Variants in RBM6 observed in about 807,000 individuals in gnomAD.
RBM6 encodes the protein RNA-binding protein 6.
RBM6 carries 23 observed loss-of-function variants against 140.4 expected under a neutral mutation model. The ratio of observed to expected loss-of-function variants is 0.16; its 90% CI spans 0.12 to 0.23. The LOEUF is 0.23. Ranked by LOEUF, RBM6 falls within the 10% of genes least tolerant of loss-of-function variation. RBM6 has a pLI of 1.00. For synonymous variants in RBM6, 439 were observed against 475.6 expected, an observed-to-expected ratio of 0.92 and a Z score of 1.00; for missense variants, 1,139 against 1,386.7, an observed-to-expected ratio of 0.82 and a Z score of 2.84.
chr3:49,976,345 G>A (rs71326907), intron 5 of RBM6, among the ~76,000 whole-genome samples: 2,528 of 152,272 alleles, frequency 0.017, 33 homozygotes, highest in Non-Finnish European at 0.026. Context: ...AAATTTTGGT[G>A]CTTGAAAGAA....
At chr3:50,060,849 C>T (rs999015988) in intron 11 of RBM6, 107 bp from the exon 12 acceptor site, 3 of 1,257,054 alleles carry the variant, frequency 2.4e-6, no homozygotes, top group Admixed American at 5.3e-5. Context: ...GGTTCCTTTC[C>T]CTGCAAAATG....
intron 6 of RBM6, among the ~76,000 whole-genome samples, chr3:50,046,795 G>C (rs1296052782): frequency 6.6e-6 from 1 of 152,100 alleles, no homozygotes; most frequent in Non-Finnish European, 1.5e-5. Flanking sequence ...AAAGGAAAAA[G>C]AAAAATGAAA....
At chr3:50,054,195 A>C in intron 7 of RBM6, 140 bp from the exon 8 acceptor site, 4 of 681,102 alleles carry the variant, frequency 5.9e-6, no homozygotes, top group Non-Finnish European at 1.0e-5. Context: ...TCAGTGGGGA[A>C]TATCAGATTC....
chr3:50,047,673 G>A (rs2089286270), intron 6 of RBM6, among the ~76,000 whole-genome samples: 1 of 152,192 alleles, frequency 6.6e-6, no homozygotes, highest in Non-Finnish European at 1.5e-5. Flanking sequence ...CTGTAAGGAT[G>A]TAACTTGCTG....
intron 6 of RBM6, among the ~76,000 whole-genome samples, chr3:50,020,211 C>T (rs1397713068): frequency 6.6e-6 from 1 of 152,120 alleles, no homozygotes; most frequent in Non-Finnish European, 1.5e-5. Flanking sequence ...AGGTGTGAGC[C>T]ACTATGCCCA....
chr3:50,075,882 C>G (rs142581132), intron 20 of RBM6, among the ~76,000 whole-genome samples: 47 of 152,228 alleles, frequency 3.1e-4, no homozygotes, highest in African/African-American at 1.1e-3. Context: ...TTTCTCATAT[C>G]TCTGGTATTA....
At chr3:50,007,153 ATTATCAGGGGACTCC>A (rs2086619798) in intron 6 of RBM6, among the ~76,000 whole-genome samples, 2 of 145,152 alleles carry the variant, frequency 1.4e-5, no homozygotes, top group African/African-American at 5.1e-5. Flanking sequence ...ATTGATACGG[ATTATCAGGGGACTCC>A]TTCCAGCTTC....
At chr3:49,953,378 C>T (rs2083827696) in intron 1 of RBM6, among the ~76,000 whole-genome samples, 1 of 152,000 alleles carries the variant, frequency 6.6e-6, no homozygotes, top group African/African-American at 2.4e-5. Context: ...TGCCACCACG[C>T]CCAGCTAATT....
intron 5 of RBM6, among the ~76,000 whole-genome samples, chr3:49,975,701 G>A (rs1270234385): frequency 6.6e-6 from 1 of 152,170 alleles, no homozygotes; most frequent in Non-Finnish European, 1.5e-5. Flanking sequence ...CTTCATGGTG[G>A]TGGAATGTTT....
At chr3:49,942,110 AATC>A (rs1388353930) in intron 1 of RBM6, among the ~76,000 whole-genome samples, 5 of 151,686 alleles carry the variant, frequency 3.3e-5, no homozygotes, top group East Asian at 1.9e-4. Flanking sequence ...AAAAAAAAAA[AATC>A]AATTAAATAA....
chr3:49,966,109 G>C (rs2084506537), intron 2 of RBM6, among the ~76,000 whole-genome samples: 1 of 152,214 alleles, frequency 6.6e-6, no homozygotes, highest in East Asian at 1.9e-4. Context: ...CTGGGCAACA[G>C]AGCGAGACTC....
chr3:49,965,830 C>A (rs963150033), intron 2 of RBM6, among the ~76,000 whole-genome samples: 2 of 151,824 alleles, frequency 1.3e-5, no homozygotes, highest in African/African-American at 4.8e-5. Flanking sequence ...ATTCCTGTTA[C>A]TTTAAGAAAG....
At chr3:50,070,354 C>T in intron 18 of RBM6, 101 bp from the exon 19 acceptor site, 1 of 886,328 alleles carries the variant, frequency 1.1e-6, no homozygotes, top group East Asian at 2.5e-5. Flanking sequence ...GACTCTGTCT[C>T]AAGAAAAAAA....
intron 18 of RBM6, 88 bp from the exon 19 acceptor site, chr3:50,070,367 A>G: frequency 1.0e-6 from 1 of 954,942 alleles, no homozygotes; most frequent in Non-Finnish European, 1.7e-6. Flanking sequence ...GAAAAAAATA[A>G]TAATAATAAC....
At chr3:49,964,182 T>C (rs1000403793) in intron 2 of RBM6, among the ~76,000 whole-genome samples, 2 of 152,096 alleles carry the variant, frequency 1.3e-5, no homozygotes, top group Non-Finnish European at 2.9e-5. Context: ...GCTGGGACTA[T>C]AAGTGTGAGC....
At chr3:50,038,902 G>A (rs1040960896) in intron 6 of RBM6, among the ~76,000 whole-genome samples, 1 of 152,128 alleles carries the variant, frequency 6.6e-6, no homozygotes, top group Admixed American at 6.6e-5. Flanking sequence ...TTGAGGTGGG[G>A]GATGTCCCTA....
intron 5 of RBM6, among the ~76,000 whole-genome samples, chr3:49,994,669 G>GGGGTGTGTGTGT (rs148704782): frequency 0.12 from 17,401 of 148,122 alleles, 1,223 homozygotes; most frequent in Non-Finnish European, 0.16. Context: ...AAGGCTGTGG[G>GGGGTGTGTGTGT]GTGTGTGTGT....
chr3:49,952,265 G>A (rs925054814), intron 1 of RBM6, among the ~76,000 whole-genome samples: 1 of 151,918 alleles, frequency 6.6e-6, no homozygotes, highest in East Asian at 1.9e-4. Context: ...TCTTGACCTC[G>A]TGATCTACCC....
intron 5 of RBM6, among the ~76,000 whole-genome samples, chr3:49,989,930 A>G (rs1347523621): frequency 6.6e-6 from 1 of 151,988 alleles, no homozygotes; most frequent in Non-Finnish European, 1.5e-5. Context: ...TATTTTTAGT[A>G]GAGATGAGGT....
Sources: gnomAD v4.1 joint callset for allele counts (sites outside exome capture counted in the v4.1 genomes callset) on GRCh38, gnomAD v4.1.1 for gene constraint, MANE v1.5 for transcripts, NCBI Gene and HGNC (gene_info 2026-07-23, HGNC 2026-07-21) for gene names.